The following FRMD4A variants were observed in gnomAD, a reference collection of about 807,000 sequenced individuals.
The protein encoded by FRMD4A is FERM domain-containing protein 4A.
In FRMD4A, 29 loss-of-function variants were observed where a neutral mutation model predicts 129.1. The observed-to-expected ratio is 0.22, with a 90% CI of 0.17 to 0.31. The LOEUF (loss-of-function observed/expected upper bound fraction) is 0.31, where lower values mean the gene tolerates loss of function less well. Among genes scored for constraint, FRMD4A ranks in the 10% least tolerant of loss-of-function variants. The pLI is 1.00. For missense variants in FRMD4A, 1,272 were observed against 1,375.8 expected, an observed-to-expected ratio of 0.92 and a Z score of 1.19; for synonymous variants, 634 against 571.6, an observed-to-expected ratio of 1.11 and a Z score of -1.56.
At chr10:14,219,085 A>G (rs1425685983) in intron 2 of FRMD4A, among the ~76,000 whole-genome samples, 1 of 151,074 alleles carries the variant, frequency 6.6e-6, no homozygotes, top group Non-Finnish European at 1.5e-5. Context: ...AAGGCAAGGG[A>G]GAGGGATACC....
intron 5 of FRMD4A, among the ~76,000 whole-genome samples, chr10:13,787,305 G>A (rs2092889585): frequency 6.6e-6 from 1 of 152,110 alleles, no homozygotes; most frequent in Non-Finnish European, 1.5e-5. Flanking sequence ...TCCCTGCCAG[G>A]GAACGGCTGA....
At position 13,657,251 on chromosome 10, in the gene FRMD4A, G is replaced by A. The variant is rs769879170; in HGVS notation, c.2338C>T (p.Arg780Cys). The A allele has an allele frequency of 5.0e-6, 8 of 1,593,434 alleles. No homozygotes were observed. Among genetic ancestry groups the A allele is most frequent in the South Asian group, 3.4e-5 (3 of 89,112 alleles). The stretch of plus-strand genomic sequence containing the variant: ...CGCTGCCGCTGCCTCTGCCTCTGGC[G>A]CGCCTTGGACGGCGAGTCCTCGGCC... The part of the protein sequence containing the change: ...TLAEDSPSKA[R>C]QRQRQRQRAA... The change falls in exon 22 of 25, where the codon CGC (arginine) becomes TGC (cysteine). Residue 780 changes from arginine (R) to cysteine (C), a missense_variant. Physicochemically the swap from Arg to Cys is radical, Grantham distance 180. Transcript: ENST00000357447.
Position 13,811,571 on chromosome 10 carries a change from C to CAAAAA in FRMD4A, c.112-668_112-664dup, listed in dbSNP as rs11361577. 7.3e-5 allele frequency among the ~76,000 whole-genome samples: 10 copies of CAAAAA among 136,334 alleles called. No homozygotes were observed. The East Asian group carries it at 2.0e-3, about 28-fold the overall frequency. 89.4% of individuals were successfully genotyped at this position (136,334 alleles called of 152,430 possible). A position where few individuals can be genotyped will look rare whatever the true frequency, so the allele number is the denominator to read the frequency against. The stretch of plus-strand genomic sequence containing the variant: ...TGGGTGACAGAGTGAGACTCTGCCT[C>CAAAAA]AAAAAAAAAAAAAAAGATATCTGCC... On this transcript the variant is annotated intron_variant, in intron 3 of 24. Transcript: ENST00000357447.
rs529415426 is a variant in FRMD4A, at chr10:14,277,958, T to C, written c.45+52100A>G. On this transcript the variant is annotated intron_variant, in intron 2 of 24. Transcript: ENST00000357447. ...TCAGCATGAGGGAGTGGGCCATGCC[T>C]TGCCATGTTTTGAATGGTTGAATGG... 5.9e-5 allele frequency among the ~76,000 whole-genome samples: 9 copies of C among 152,316 alleles called. No homozygotes were observed. The South Asian group carries it at 1.9e-3, about 32-fold the overall frequency.
At chr10:13,751,578 G>T (rs752927446) in intron 8 of FRMD4A, among the ~76,000 whole-genome samples, 5 of 152,206 alleles carry the variant, frequency 3.3e-5, no homozygotes, top group Non-Finnish European at 7.3e-5. Context: ...GTGGCCTAAC[G>T]AATGTTCTAG....
chr10:14,128,916 C>T (rs371791981), intron 2 of FRMD4A, among the ~76,000 whole-genome samples: 5 of 152,176 alleles, frequency 3.3e-5, no homozygotes, highest in South Asian at 2.1e-4. Flanking sequence ...GCTGGGTGCA[C>T]GGATGCATGG....
intron 2 of FRMD4A, among the ~76,000 whole-genome samples, chr10:13,868,685 G>C (rs1374973104): frequency 1.3e-5 from 2 of 152,162 alleles, no homozygotes; most frequent in African/African-American, 2.4e-5. Flanking sequence ...TATAGTCCCA[G>C]CTACTCGGGA....
At chr10:14,026,078 C>T (rs538410888) in intron 2 of FRMD4A, among the ~76,000 whole-genome samples, 5 of 152,296 alleles carry the variant, frequency 3.3e-5, no homozygotes, top group Admixed American at 6.5e-5. Flanking sequence ...AAACTCTGGT[C>T]TCCTGATTCC....
chr10:14,270,921 G>T (rs1170735728), intron 2 of FRMD4A, among the ~76,000 whole-genome samples: 1 of 152,088 alleles, frequency 6.6e-6, no homozygotes, highest in Non-Finnish European at 1.5e-5. Context: ...CTTGAGACTG[G>T]GTAATTTATA....
At chr10:14,026,732 C>T (rs1588812256) in intron 2 of FRMD4A, among the ~76,000 whole-genome samples, 2 of 152,342 alleles carry the variant, frequency 1.3e-5, no homozygotes, top group Non-Finnish European at 2.9e-5. Flanking sequence ...GGACTTCTTG[C>T]CACATAGTTG....
chr10:13,810,985 A>T, intron 3 of FRMD4A, 77 bp from the exon 4 acceptor site: 1 of 723,600 alleles, frequency 1.4e-6, no homozygotes, highest in Non-Finnish European at 2.4e-6. Context: ...TCAGGTTTCC[A>T]TAATTTTTTC....
At chr10:14,275,555 A>C (rs1413960143) in intron 2 of FRMD4A, among the ~76,000 whole-genome samples, 1 of 152,246 alleles carries the variant, frequency 6.6e-6, no homozygotes, top group Non-Finnish European at 1.5e-5. Context: ...ATCCAAGGGC[A>C]GATAATAAAG....
At chr10:14,306,726 A>T (rs1372869276) in intron 2 of FRMD4A, among the ~76,000 whole-genome samples, 4 of 152,252 alleles carry the variant, frequency 2.6e-5, no homozygotes, top group African/African-American at 9.6e-5. Flanking sequence ...CTCAGTGGAC[A>T]TTCAGTGGAG....
chr10:13,850,786 G>A (rs10906516), intron 3 of FRMD4A, among the ~76,000 whole-genome samples: 75,114 of 152,142 alleles, frequency 0.49, 18,671 homozygotes, highest in East Asian at 0.61. Flanking sequence ...GAGGACCTAT[G>A]CTCGAGCTAC....
chr10:13,744,760 G>C (rs2091205786), intron 9 of FRMD4A: 1 of 152,172 alleles, frequency 6.6e-6, no homozygotes, highest in African/African-American at 2.4e-5. Context: ...TGATGAGACG[G>C]GTAAAAACGT....
At chr10:13,693,871 G>T (rs760933229) in intron 15 of FRMD4A, 27 bp downstream of exon 15, 1 of 1,607,388 alleles carries the variant, frequency 6.2e-7, no homozygotes, top group South Asian at 1.1e-5. Flanking sequence ...TGCTCAGGGG[G>T]CGTCCCTCCA....
chr10:13,795,836 A>C (rs780291857), intron 5 of FRMD4A, among the ~76,000 whole-genome samples: 1 of 152,226 alleles, frequency 6.6e-6, no homozygotes, highest in Admixed American at 6.5e-5. Context: ...AACCTTTTGC[A>C]AACGGAAGTG....
chr10:14,318,612 C>A (rs1451762290), intron 2 of FRMD4A, among the ~76,000 whole-genome samples: 702 of 134,752 alleles, frequency 5.2e-3, no homozygotes, highest in South Asian at 5.8e-3. Context: ...TGCTAGTATG[C>A]AAAAAAAAAA....
intron 19 of FRMD4A, 110 bp downstream of exon 19, chr10:13,663,343 C>T: frequency 1.6e-5 from 11 of 690,196 alleles, no homozygotes; most frequent in South Asian, 1.6e-4. Context: ...AGCCCAGCTG[C>T]CTTTTGGCCT....
Sources: allele counts gnomAD v4.1 joint callset (sites outside exome capture counted in the v4.1 genomes callset), GRCh38; gene constraint gnomAD v4.1.1; transcripts MANE v1.5; gene names NCBI Gene and HGNC (gene_info 2026-07-23, HGNC 2026-07-21).